GTPBP1: variants seen among roughly 807,000 people sequenced by gnomAD.
The protein encoded by GTPBP1 is GTP binding protein 1, also known as GTP-binding protein 1.
In GTPBP1, 23 loss-of-function variants were observed where a neutral mutation model predicts 62.0. The observed-to-expected ratio is 0.37, with a 90% CI of 0.27 to 0.53. The LOEUF (loss-of-function observed/expected upper bound fraction) is 0.53, where lower values mean the gene tolerates loss of function less well. Among genes scored for constraint, GTPBP1 ranks in the 20% least tolerant of loss-of-function variants. The probability of loss-of-function intolerance (pLI) is 0.89; values close to 1 mark genes in which losing one functional copy is unlikely to be tolerated. For synonymous variants in GTPBP1, 344 were observed against 364.4 expected, an observed-to-expected ratio of 0.94 and a Z score of 0.64; for missense variants, 640 against 917.3, an observed-to-expected ratio of 0.70 and a Z score of 3.90.
chr22:38,734,006 T>A, downstream of GTPBP1: 1 of 217,156 alleles, frequency 4.6e-6, no homozygotes, highest in Non-Finnish European at 9.6e-6. Context: ...TGAAGGGGAG[T>A]GAGCACAGGA....
chr22:38,739,597 G>A (rs2092836845), downstream of GTPBP1: 2 of 1,335,104 alleles, frequency 1.5e-6, no homozygotes, highest in Non-Finnish European at 2.1e-6. This position sits in a 1 kb window ranked among gnomAD's most constrained non-coding sequence, Gnocchi z 6.7. Flanking sequence ...CCCACAGCAT[G>A]CAAAGCCTCC....
chr22:38,706,283 C>T, intron 1 of GTPBP1, 136 bp downstream of exon 1: 1 of 498,940 alleles, frequency 2.0e-6, no homozygotes, highest in Non-Finnish European at 3.1e-6. Flanking sequence ...GCCCGCCCAC[C>T]TGCTAGTCTC....
At chr22:38,742,414 C>A (rs529775254), downstream of GTPBP1, 3 of 1,613,412 alleles carry the variant, frequency 1.9e-6, no homozygotes, top group South Asian at 3.3e-5. Context: ...CCACCACCAC[C>A]TCCCTGGCCA....
At chr22:38,724,839 CA>C (rs2145875365) in intron 6 of GTPBP1, among the ~76,000 whole-genome samples, 1 of 152,266 alleles carries the variant, frequency 6.6e-6, no homozygotes, top group Non-Finnish European at 1.5e-5. Flanking sequence ...TGTTGTTCCT[CA>C]AAAGCTCACT....
rs555152014 is a variant in GTPBP1, at chr22:38,714,305, C to T, written c.305-1602C>T. On this transcript the variant is annotated intron_variant, in intron 2 of 11. Transcript: ENST00000216044. ...ACCAGCCTGGCCAGCATGGTGAAACCCCGTCTCTACTGAAAATACAAAACT... is the reference window on the plus strand; with the variant it reads ...ACCAGCCTGGCCAGCATGGTGAAACTCCGTCTCTACTGAAAATACAAAACT... Among the ~76,000 whole-genome samples, 3 of 152,044 alleles carry T rather than the reference C, an allele frequency of 2.0e-5. No homozygotes were observed. The East Asian group carries it at 5.8e-4, about 29-fold the overall frequency.
chr22:38,741,409 T>G, downstream of GTPBP1: 3 of 1,399,824 alleles, frequency 2.1e-6, no homozygotes, highest in Non-Finnish European at 3.0e-6. Flanking sequence ...AACAGTCCCT[T>G]TGGAAGGGCC....
Position 38,721,605 on chromosome 22 carries a change from C to T in GTPBP1, c.835-137C>T. 7.7e-6 allele frequency: 5 copies of T among 649,992 alleles called. No individual in the cohort carries two copies. In the East Asian group the frequency reaches 8.1e-5, roughly 11 times the overall value. 40.3% of individuals were successfully genotyped at this position (649,992 alleles called of 1,614,324 possible). A position where few individuals can be genotyped will look rare whatever the true frequency, so the allele number is the denominator to read the frequency against. The stretch of plus-strand genomic sequence containing the variant: ...GCAAGTCTCCTCCGATTTTGACGCC[C>T]CACATCATCGAGTCAGGGGTTAACG... On this transcript the variant is annotated intron_variant, in intron 4 of 11. Coordinates refer to ENST00000216044, the MANE Select transcript of GTPBP1 (RefSeq NM_004286.5).
In GTPBP1 at chr22:38,727,274, C is replaced by A; in HGVS notation, c.1463C>A (p.Ala488Asp). The A allele has an allele frequency of 6.2e-7, 1 of 1,603,482 alleles. No individual in the cohort carries two copies. The highest frequency in any genetic ancestry group is 8.5e-7 in the Non-Finnish European group (1 of 1,174,854). Reference protein sequence around the residue: ...VMVSPRLNPQASWEFEAEILV... With the variant: ...VMVSPRLNPQDSWEFEAEILV... ...GTTTCCCCACGTTTGAATCCCCAAG[C>A]CTCCTGGGAGTTTGAGGCCGAGATT... Residue 488 changes from alanine to aspartate, a missense_variant, in exon 9 of 12, where the codon GCC becomes GAC. Ala to Asp is a moderately radical substitution (Grantham distance 126). Coordinates refer to ENST00000216044, the MANE Select transcript of GTPBP1 (RefSeq NM_004286.5). This position sits in a 1 kb window ranked among gnomAD's most constrained non-coding sequence, Gnocchi z 6.5.
At chr22:38,729,313 C>T (rs1052229676) in intron 10 of GTPBP1, 149 bp from the exon 11 acceptor site, 6 of 581,008 alleles carry the variant, frequency 1.0e-5, no homozygotes, top group African/African-American at 7.7e-5. Flanking sequence ...TGCCTCCTGT[C>T]ACAGCCTTCC....
intron 4 of GTPBP1, among the ~76,000 whole-genome samples, 182 bp from the exon 5 acceptor site, chr22:38,721,560 G>T (rs185957059): frequency 4.6e-5 from 7 of 152,276 alleles, no homozygotes; most frequent in Admixed American, 3.9e-4. Flanking sequence ...CCCTGACTGG[G>T]TTTATCTTTT....
chr22:38,736,052 A>C (rs1569292048), downstream of GTPBP1: 3 of 611,794 alleles, frequency 4.9e-6, no homozygotes, highest in Non-Finnish European at 9.1e-6. Context: ...CGCCACGGGC[A>C]CAGAGGGAAG....
Position 38,718,765 on chromosome 22 carries a change from A to G in GTPBP1, c.834+1765A>G, listed in dbSNP as rs537416246. Among the ~76,000 whole-genome samples, 9 of 152,344 alleles carry G rather than the reference A, an allele frequency of 5.9e-5. No homozygotes were observed. In the East Asian group the frequency reaches 1.7e-3, roughly 29 times the overall value. On this transcript the variant is annotated intron_variant, in intron 4 of 11. Transcript: ENST00000216044. ...TGGTTTAGTATGGTACAAAATTGTG[A>G]AAAGTTTCCTCCCAGAGGCAACCAG...
rs397836314 is a variant in GTPBP1 at position 38,731,010 on chromosome 22, T to TTGTGTGTGTGTG, written c.*335_*346dup. On this transcript the variant is annotated 3_prime_UTR_variant, in exon 12 of 12. Coordinates refer to ENST00000216044, the MANE Select transcript of GTPBP1 (RefSeq NM_004286.5). ...TATTATATGTCTCTGTCTCTCTCTA[T>TTGTGTGTGTGTG]TGTGTGTGTGTGTGTGTGTGTGTGT... The TTGTGTGTGTGTG allele has an allele frequency of 0.018, 3,310 of 183,642 alleles. 61 individuals carry two copies. The highest frequency in any genetic ancestry group is 0.026 in the East Asian group (165 of 6,368). The allele number at this position is 183,642 out of a possible 1,614,324, so 11.4% of individuals were successfully genotyped here.
At position 38,727,993 on chromosome 22, in the gene GTPBP1, G is replaced by A. The variant is rs1320827503; in HGVS notation, c.1548G>A (p.Gly516=). Residue 516 remains glycine (G), a synonymous_variant, in exon 10 of 12, where the codon GGG becomes GGA. Coordinates refer to ENST00000216044, the MANE Select transcript of GTPBP1 (RefSeq NM_004286.5). The surrounding 1 kb of genome is among the most constrained non-coding windows in gnomAD (Gnocchi z 6.5). ...TGGCTTCCTTGACAGTGCACTGTGG[G>A]AGCATCAGGCAGACAGCCACCATTC... The part of the protein sequence containing the change: ...SPRYQAMVHC[G]SIRQTATILS... The A allele has an allele frequency of 6.2e-7, 1 of 1,613,730 alleles. No individual in the cohort carries two copies. The highest frequency in any genetic ancestry group is 8.5e-7 in the Non-Finnish European group (1 of 1,179,820).
downstream of GTPBP1, chr22:38,742,301 C>T: frequency 6.3e-7 from 1 of 1,597,022 alleles, no homozygotes; most frequent in Non-Finnish European, 8.6e-7. Flanking sequence ...CACCTCCTAC[C>T]TGGATGCGAG....
chr22:38,723,359 C>T (rs1161250330), intron 5 of GTPBP1: 2 of 849,086 alleles, frequency 2.4e-6, no homozygotes, highest in Non-Finnish European at 4.0e-6. Context: ...TTTTGCTTGA[C>T]TGGAACCAGA....
chr22:38,727,985 C>T lies in GTPBP1; in HGVS notation c.1540C>T (p.His514Tyr). 1 of 1,613,446 alleles carries T rather than the reference C, an allele frequency of 6.2e-7. No individual in the cohort carries two copies. The highest frequency in any genetic ancestry group is 8.5e-7 in the Non-Finnish European group (1 of 1,179,474). ...TISPRYQAMV[H>Y]CGSIRQTATI... ...CTGACCTCTGGCTTCCTTGACAGTG[C>T]ACTGTGGGAGCATCAGGCAGACAGC... Residue 514 changes from histidine (H) to tyrosine (Y), a missense_variant and splice_region_variant, in exon 10 of 12, where the codon CAC becomes TAC. This residue lies in a region of GTPBP1 where 220 missense variants were observed against 358.1 expected (regional missense o/e 0.61). Transcript: ENST00000216044. This position sits in a 1 kb window ranked among gnomAD's most constrained non-coding sequence, Gnocchi z 6.5.
chr22:38,740,152 CTCTTGGGCATA>C, downstream of GTPBP1: 1 of 1,371,472 alleles, frequency 7.3e-7, no homozygotes, highest in South Asian at 1.5e-5. This position sits in a 1 kb window ranked among gnomAD's most constrained non-coding sequence, Gnocchi z 4.8. Context: ...ACGCCACAGT[CTCTTGGGCATA>C]ACAGAGGCTG....
At position 38,729,396 on chromosome 22, in the gene GTPBP1, G is replaced by C. The variant is rs948833259; in HGVS notation, c.1717-66G>C. The C allele has an allele frequency of 5.7e-6, 7 of 1,222,434 alleles. No individual in the cohort carries two copies. The Admixed American group carries it at 1.7e-4, about 30-fold the overall frequency. The allele number at this position is 1,222,434 out of a possible 1,614,324, so 75.7% of individuals were successfully genotyped here. ...TGTGGGAGAAGGGGGCTGAGGGTGGGGGGTAGCCAAGCCAGTGCCACTGCC... is the reference window on the plus strand; with the variant it reads ...TGTGGGAGAAGGGGGCTGAGGGTGGCGGGTAGCCAAGCCAGTGCCACTGCC... On this transcript the variant is annotated intron_variant, in intron 10 of 11. Coordinates refer to ENST00000216044, the MANE Select transcript of GTPBP1 (RefSeq NM_004286.5).
Sources: gnomAD v4.1 joint callset for allele counts (sites outside exome capture counted in the v4.1 genomes callset) on GRCh38, gnomAD v4.1.1 for gene constraint, gnomAD v4.1.1 regional missense constraint, Gnocchi (gnomAD v3.1) non-coding constraint, MANE v1.5 for transcripts, NCBI Gene and HGNC (gene_info 2026-07-23, HGNC 2026-07-21) for gene names.